Variants in CS observed in about 807,000 individuals in gnomAD.
The protein encoded by CS is citrate synthase, also known as citrate synthase, mitochondrial.
Under a neutral mutation model 61.4 loss-of-function variants are expected in CS, and 13 were observed. The observed-to-expected ratio is 0.21, with a 90% CI of 0.14 to 0.34. CS has a LOEUF of 0.34. Among genes scored for constraint, CS ranks in the 10% least tolerant of loss-of-function variants. The pLI is 1.00. For synonymous variants in CS, 159 were observed against 215.2 expected (o/e 0.74, Z 2.29); for missense variants, 278 against 573.4 (o/e 0.48, Z 5.26).
At chr12:56,284,554 G>C (rs181059543) in intron 3 of CS, among the ~76,000 whole-genome samples, 1 of 150,982 alleles carries the variant, frequency 6.6e-6, no homozygotes, top group Non-Finnish European at 1.5e-5. Flanking sequence ...GGGATTATAG[G>C]CACGTGCCAC....
intron 6 of CS, among the ~76,000 whole-genome samples, chr12:56,280,409 C>T (rs1473648279): frequency 6.3e-5 from 4 of 63,890 alleles, no homozygotes; most frequent in Admixed American, 4.0e-4. Context: ...TGCAAGACAC[C>T]GTCTCCCAAA....
Position 56,275,059 on chromosome 12 carries a change from C to G in CS, c.861G>C (p.Leu287=). ...LVGSALSDPY[L]SFAAAMNGLA... is the part of the protein sequence containing the mutation. ...GCCCGTTCATGGCTGCTGCAAAGGACAGGTAAGGGTCGGAAAGGGCACTGC... is the reference window on the plus strand; with the variant it reads ...GCCCGTTCATGGCTGCTGCAAAGGAGAGGTAAGGGTCGGAAAGGGCACTGC... The change falls in exon 8 of 11, where the codon CTG becomes CTC. Residue 287 remains leucine (L), a synonymous_variant. Transcript: ENST00000351328. 6.2e-7 allele frequency: 1 copy of G among 1,614,172 alleles called. No individual in the cohort carries two copies. Among genetic ancestry groups the G allele is most frequent in the South Asian group, 1.1e-5 (1 of 91,086 alleles).
At chr12:56,292,760 C>T (rs1048390765) in intron 1 of CS, among the ~76,000 whole-genome samples, 101 of 149,868 alleles carry the variant, frequency 6.7e-4, no homozygotes, top group Admixed American at 1.3e-3. Flanking sequence ...AAAAATTAGC[C>T]GGGCGTCATG....
intron 1 of CS, among the ~76,000 whole-genome samples, chr12:56,286,859 C>T (rs547504490): frequency 3.3e-5 from 5 of 152,290 alleles, no homozygotes; most frequent in Admixed American, 6.5e-5. Flanking sequence ...TCCATAGCTT[C>T]ACTAGCATTC....
rs377318504 is a variant in CS at position 56,295,936 on chromosome 12, A to T, written c.42+4224T>A. On this transcript the variant is annotated intron_variant, in intron 1 of 10. Transcript: ENST00000351328. ...GCCACCGCACTCTAGCCTAGGCGAC[A>T]GAGCGAAACTGTCTCAAAAAAAAAA... Among the ~76,000 whole-genome samples, 26 of 132,808 alleles carry T rather than the reference A, an allele frequency of 2.0e-4. No homozygotes were observed. The East Asian group carries it at 5.9e-3, about 30-fold the overall frequency. The allele number at this position is 132,808 out of a possible 152,430, so 87.1% of individuals were successfully genotyped here.
chr12:56,297,955 T>C (rs1039359487), intron 1 of CS, among the ~76,000 whole-genome samples: 15 of 152,114 alleles, frequency 9.9e-5, no homozygotes, highest in African/African-American at 3.6e-4. Flanking sequence ...CTCAGGAGAT[T>C]TCCAGTCCAA....
rs536905426 is a variant in CS at position 56,287,209 on chromosome 12, G to A, written c.43-564C>T. 8.6e-4 allele frequency among the ~76,000 whole-genome samples: 131 copies of A among 152,240 alleles called. 1 individual carries two copies. Among genetic ancestry groups the A allele is most frequent in the African/African-American group, 2.9e-3 (120 of 41,544 alleles). ...GAAAATAATTAGTTTGGCTGGGCGC[G>A]GTGGCTCATGCCTGTAATCCCAGCA... On this transcript the variant is annotated intron_variant, in intron 1 of 10. Transcript: ENST00000351328.
At chr12:56,297,775 A>G (rs1873351859) in intron 1 of CS, among the ~76,000 whole-genome samples, 1 of 152,250 alleles carries the variant, frequency 6.6e-6, no homozygotes, top group Admixed American at 6.5e-5. Flanking sequence ...GGTAAGAGTC[A>G]GTTCTCCCTG....
At chr12:56,279,597 T>C (rs1872714694) in intron 6 of CS, among the ~76,000 whole-genome samples, 1 of 151,600 alleles carries the variant, frequency 6.6e-6, no homozygotes, top group South Asian at 2.1e-4. Context: ...AAACCCCGAC[T>C]CTACTAAAAA....
At chr12:56,286,198 G>A (rs1305904887) in intron 2 of CS, 175 bp from the exon 3 acceptor site, 3 of 598,442 alleles carry the variant, frequency 5.0e-6, no homozygotes, top group Non-Finnish European at 8.9e-6. Context: ...GAAGGAATGA[G>A]GAGTTAATGT....
rs1434264787 is a variant in CS at position 56,273,814 on chromosome 12, A to T, written c.1021-18T>A. On this transcript the variant is annotated intron_variant, in intron 9 of 10. Coordinates refer to ENST00000351328, the MANE Select transcript of CS (RefSeq NM_004077.3). ...GGAACAACCTGTAAAGAGTGAGGAA[A>T]AAAGATAGTATTCTCAGTAGAAATT... 6.3e-7 allele frequency: 1 copy of T among 1,584,914 alleles called. No individual in the cohort carries two copies. The highest frequency in any genetic ancestry group is 8.7e-7 in the Non-Finnish European group (1 of 1,153,506).
At chr12:56,287,701 C>G (rs1565622425) in intron 1 of CS, among the ~76,000 whole-genome samples, 1 of 152,064 alleles carries the variant, frequency 6.6e-6, no homozygotes, top group Non-Finnish European at 1.5e-5. Flanking sequence ...GTTGCCCAGA[C>G]TGGAGTGCAA....
In CS at chr12:56,284,621, G is replaced by A. The variant is rs1353740603; in HGVS notation, c.202-764C>T. On this transcript the variant is annotated intron_variant, in intron 3 of 10. Coordinates refer to ENST00000351328, the MANE Select transcript of CS (RefSeq NM_004077.3). ...TTTTTTTTAAAGAAATGGGGTTTAG[G>A]CCGGGTGCAGTGGCTCACGCCTGTA... Among the ~76,000 whole-genome samples, 5 of 149,566 alleles carry A rather than the reference G, an allele frequency of 3.3e-5. No individual in the cohort carries two copies. In the South Asian group the frequency reaches 1.1e-3, roughly 32 times the overall value.
intron 7 of CS, 62 bp from the exon 8 acceptor site, chr12:56,275,193 G>C: frequency 6.9e-6 from 11 of 1,605,534 alleles, no homozygotes; most frequent in Non-Finnish European, 7.7e-6. Context: ...TGGAAACTTT[G>C]CTGTTCTCTT....
At chr12:56,273,910 G>C (rs1171511866) in intron 9 of CS, 114 bp from the exon 10 acceptor site, 1 of 876,618 alleles carries the variant, frequency 1.1e-6, no homozygotes, top group Non-Finnish European at 1.8e-6. Flanking sequence ...CACATCTCAC[G>C]GCAGCCTCGA....
chr12:56,295,937 G>C (rs1447859538), intron 1 of CS, among the ~76,000 whole-genome samples: 2 of 101,238 alleles, frequency 2.0e-5, no homozygotes, highest in Non-Finnish European at 3.5e-5. Flanking sequence ...CTAGGCGACA[G>C]AGCGAAACTG....
rs1439465941 is a variant in CS, at chr12:56,274,114, G to A, written c.1021-318C>T. 6 of 342,312 alleles carry A rather than the reference G, an allele frequency of 1.8e-5. No individual in the cohort carries two copies. In the Admixed American group the frequency reaches 2.2e-4, roughly 13 times the overall value. 21.2% of individuals were successfully genotyped at this position (342,312 alleles called of 1,614,324 possible). ...AGATCACCTGAGGTTGGGAGTCCTA[G>A]ACTAGCCTGACCAACTGACCAACTC... is the stretch of plus-strand genomic sequence containing the variant. On this transcript the variant is annotated intron_variant, in intron 9 of 10. Transcript: ENST00000351328.
At chr12:56,297,766 G>GT (rs1266135990) in intron 1 of CS, among the ~76,000 whole-genome samples, 8 of 152,150 alleles carry the variant, frequency 5.3e-5, no homozygotes, top group African/African-American at 1.7e-4. Flanking sequence ...ACTCAAAGTG[G>GT]TAAGAGTCAG....
intron 1 of CS, among the ~76,000 whole-genome samples, chr12:56,291,003 C>G (rs1378996591): frequency 6.6e-6 from 1 of 152,310 alleles, no homozygotes; most frequent in African/African-American, 2.4e-5. Flanking sequence ...CCTAAATGAA[C>G]GTTCTGCCAC....
Sources: allele counts gnomAD v4.1 joint callset (sites outside exome capture counted in the v4.1 genomes callset), GRCh38; gene constraint gnomAD v4.1.1; transcripts MANE v1.5; gene names NCBI Gene and HGNC (gene_info 2026-07-23, HGNC 2026-07-21).